The following IQCM variants were observed in gnomAD, a reference collection of about 807,000 sequenced individuals.
IQCM encodes the protein IQ motif containing M.
Under a neutral mutation model 57.6 loss-of-function variants are expected in IQCM, and 45 were observed. The observed-to-expected ratio is 0.78, with a 90% CI of 0.62 to 1.00. The LOEUF (loss-of-function observed/expected upper bound fraction) is 1.00. Among genes scored for constraint, IQCM ranks in the 50% least tolerant of loss-of-function variants. The probability of loss-of-function intolerance (pLI) is 0.00; values close to 1 mark genes in which losing one functional copy is unlikely to be tolerated. For missense variants in IQCM, 468 were observed against 511.6 expected, an observed-to-expected ratio of 0.91 and a Z score of 0.82; for synonymous variants, 148 against 158.9, an observed-to-expected ratio of 0.93 and a Z score of 0.51.
chr4:149,674,713 A>T (rs1761600685), intron 7 of IQCM, among the ~76,000 whole-genome samples: 1 of 152,126 alleles, frequency 6.6e-6, no homozygotes, highest in African/African-American at 2.4e-5. Flanking sequence ...ATTAAAAATT[A>T]AAAATCCAGG....
chr4:149,507,428 T>C (rs957217209), intron 12 of IQCM, among the ~76,000 whole-genome samples: 2 of 152,184 alleles, frequency 1.3e-5, no homozygotes, highest in African/African-American at 4.8e-5. Context: ...GACAGCGATA[T>C]GGAAAATAAA....
At chr4:149,694,008 ACT>A (rs1763130745) in intron 5 of IQCM, among the ~76,000 whole-genome samples, 1 of 151,662 alleles carries the variant, frequency 6.6e-6, no homozygotes, top group Non-Finnish European at 1.5e-5. Context: ...TAATCTGTAA[ACT>A]CTCTGATCAT....
chr4:149,431,297 GT>G (rs1734837743), intron 13 of IQCM, among the ~76,000 whole-genome samples: 1 of 151,970 alleles, frequency 6.6e-6, no homozygotes, highest in South Asian at 2.1e-4. Flanking sequence ...TGATATTAGT[GT>G]TCCAGTTGCT....
intron 7 of IQCM, among the ~76,000 whole-genome samples, chr4:149,641,279 TATTA>T (rs746543201): frequency 9.9e-5 from 15 of 152,192 alleles, no homozygotes; most frequent in Non-Finnish European, 1.5e-4. Flanking sequence ...TACATCTATT[TATTA>T]ATTCTGATTG....
intron 5 of IQCM, among the ~76,000 whole-genome samples, chr4:149,694,370 G>A (rs980430991): frequency 6.7e-6 from 1 of 149,952 alleles, no homozygotes; most frequent in African/African-American, 2.4e-5. Context: ...GACTACAGGC[G>A]CCCGCCACTA....
intron 9 of IQCM, among the ~76,000 whole-genome samples, chr4:149,568,944 G>A (rs1028593288): frequency 6.6e-6 from 1 of 152,158 alleles, no homozygotes; most frequent in African/African-American, 2.4e-5. Context: ...CTAGGACTAT[G>A]AGCTGGTCTT....
intron 2 of IQCM, among the ~76,000 whole-genome samples, chr4:149,748,013 A>T (rs1308950236): frequency 6.6e-6 from 1 of 152,216 alleles, no homozygotes; most frequent in South Asian, 2.1e-4. Context: ...AACCTCTCTG[A>T]ATCCTACCTC....
chr4:149,808,176 T>A (rs1774249167), intron 2 of IQCM, among the ~76,000 whole-genome samples: 1 of 152,108 alleles, frequency 6.6e-6, no homozygotes, highest in Non-Finnish European at 1.5e-5. Context: ...TAAGTGCTCA[T>A]CAGTGGATAA....
At chr4:149,633,661 T>C (rs981705093) in intron 7 of IQCM, among the ~76,000 whole-genome samples, 3 of 152,232 alleles carry the variant, frequency 2.0e-5, no homozygotes, top group Admixed American at 6.5e-5. Context: ...TAAGTTAATT[T>C]TTCAATCTAC....
chr4:149,742,508 TA>T lies in IQCM; in HGVS notation c.37+146del, dbSNP rs1343607828. 1.3e-5 allele frequency: 6 copies of T among 453,358 alleles called. 1 individual carries two copies. In the Admixed American group the frequency reaches 2.6e-4, roughly 20 times the overall value. The allele number at this position is 453,358 out of a possible 1,614,324, so 28.1% of individuals were successfully genotyped here. A position where few individuals can be genotyped will look rare whatever the true frequency, so the allele number is the denominator to read the frequency against. On this transcript the variant is annotated intron_variant, in intron 3 of 13. Coordinates refer to ENST00000636793, the MANE Select transcript of IQCM (RefSeq NM_001363507.2). Reference sequence around the variant, plus strand: ...TTAAAAAGATCTCTCAAAAGTTGGTTATTTTTAAATAAAGGGAATGGAATAA... The same window carrying T: ...TTAAAAAGATCTCTCAAAAGTTGGTTTTTTTAAATAAAGGGAATGGAATAA...
chr4:149,782,006 G>GA (rs1771647078), intron 2 of IQCM, among the ~76,000 whole-genome samples: 1 of 151,852 alleles, frequency 6.6e-6, no homozygotes, highest in Non-Finnish European at 1.5e-5. Flanking sequence ...TTTAATCTCA[G>GA]AAAAGAGAGA....
chr4:149,701,882 T>A (rs1207908222), intron 5 of IQCM, among the ~76,000 whole-genome samples: 1 of 151,988 alleles, frequency 6.6e-6, no homozygotes, highest in Non-Finnish European at 1.5e-5. Context: ...ACAGTTCTTA[T>A]AAAGTTAAAT....
At chr4:149,712,216 C>T (rs1282872437) in intron 5 of IQCM, among the ~76,000 whole-genome samples, 1 of 152,118 alleles carries the variant, frequency 6.6e-6, no homozygotes, top group Non-Finnish European at 1.5e-5. Flanking sequence ...ATTTTGGAAG[C>T]ATTCATGCAG....
At chr4:149,623,165 A>T (rs1026435867) in intron 7 of IQCM, among the ~76,000 whole-genome samples, 3 of 152,206 alleles carry the variant, frequency 2.0e-5, no homozygotes, top group African/African-American at 7.2e-5. Context: ...TTGTTAATTT[A>T]AAAAATAAAA....
chr4:149,647,591 C>T (rs1226972004), intron 7 of IQCM, among the ~76,000 whole-genome samples: 3 of 152,014 alleles, frequency 2.0e-5, no homozygotes, highest in Non-Finnish European at 4.4e-5. Context: ...TAATTTTTCT[C>T]TATTTTTCTT....
At chr4:149,399,611 C>G (rs1003541047) in intron 13 of IQCM, among the ~76,000 whole-genome samples, 2 of 152,050 alleles carry the variant, frequency 1.3e-5, no homozygotes, top group Non-Finnish European at 2.9e-5. Flanking sequence ...TTTGCCCTCA[C>G]CCTGTTCTTC....
chr4:149,793,728 A>G (rs985583433), intron 2 of IQCM: 1 of 152,162 alleles, frequency 6.6e-6, no homozygotes, highest in Admixed American at 6.6e-5. Context: ...TATAAAATAT[A>G]AAGAGAGGGA....
At chr4:149,570,497 G>A (rs1008098683) in intron 9 of IQCM, among the ~76,000 whole-genome samples, 3 of 152,010 alleles carry the variant, frequency 2.0e-5, no homozygotes, top group African/African-American at 7.2e-5. Flanking sequence ...AAAAGAGAAA[G>A]GGGGTGCTTT....
chr4:149,425,524 A>C (rs1734402390), intron 13 of IQCM, among the ~76,000 whole-genome samples: 1 of 152,020 alleles, frequency 6.6e-6, no homozygotes, highest in African/African-American at 2.4e-5. Flanking sequence ...ACTGATGTCC[A>C]AGGCAGGAGA....
Sources: allele counts gnomAD v4.1 joint callset (sites outside exome capture counted in the v4.1 genomes callset), GRCh38; gene constraint gnomAD v4.1.1; transcripts MANE v1.5; gene names NCBI Gene and HGNC (gene_info 2026-07-23, HGNC 2026-07-21).